COLEC12: variants seen among roughly 807,000 people sequenced by gnomAD.
COLEC12 encodes collectin subfamily member 12.
A neutral mutation model predicts 71.1 loss-of-function variants in COLEC12; 33 were observed. That is an observed-to-expected ratio of 0.46 (90% CI 0.35 to 0.62). The LOEUF is 0.62. Ranked by LOEUF, COLEC12 falls within the 20% of genes least tolerant of loss-of-function variation. COLEC12 has a pLI of 0.00. For synonymous variants in COLEC12, 350 were observed against 353.0 expected (o/e 0.99, Z 0.10); for missense variants, 765 against 916.1 (o/e 0.84, Z 2.13).
At chr18:473,423 C>A (rs113008860) in intron 2 of COLEC12, among the ~76,000 whole-genome samples, 5 of 152,068 alleles carry the variant, frequency 3.3e-5, no homozygotes, top group African/African-American at 1.2e-4. Context: ...AGTTCAGTGG[C>A]GTGATCTCGG....
intron 2 of COLEC12, among the ~76,000 whole-genome samples, chr18:386,243 T>C (rs1429515950): frequency 1.3e-5 from 2 of 152,210 alleles, no homozygotes; most frequent in African/African-American, 2.4e-5. Context: ...CTAAATCCAA[T>C]GTATTGAACA....
chr18:435,355 G>A (rs929046124), intron 2 of COLEC12, among the ~76,000 whole-genome samples: 10 of 152,202 alleles, frequency 6.6e-5, no homozygotes, highest in African/African-American at 2.4e-4. Context: ...GAAGAGGCAG[G>A]CACCTTCTTC....
Position 362,985 on chromosome 18 carries a change from C to A in COLEC12, c.59-5463G>T, listed in dbSNP as rs1435122023. On this transcript the variant is annotated intron_variant, in intron 2 of 9. Transcript: ENST00000400256. This position sits in a 1 kb window ranked among gnomAD's most constrained non-coding sequence, Gnocchi z 4.6. ...GTCCCCAGTGCCCAAACTCAAAGTC[C>A]CCTGGGCTGCCCTGGTTCCAACAAC... Among the ~76,000 whole-genome samples the A allele has an allele frequency of 6.6e-6, 1 of 151,976 alleles. No homozygotes were observed. The highest frequency in any genetic ancestry group is 1.5e-5 in the Non-Finnish European group (1 of 68,012).
chr18:470,052 C>T (rs1361266523), intron 2 of COLEC12, among the ~76,000 whole-genome samples: 1 of 151,984 alleles, frequency 6.6e-6, no homozygotes, highest in African/African-American at 2.4e-5. Context: ...ATTCATATTT[C>T]CCCTCAATTA....
chr18:437,540 C>T (rs528645193), intron 2 of COLEC12, among the ~76,000 whole-genome samples: 9 of 152,066 alleles, frequency 5.9e-5, no homozygotes, highest in South Asian at 2.1e-4. Context: ...CACAGAATGA[C>T]GAACTTGCAG....
At chr18:478,344 G>A (rs547066669) in intron 2 of COLEC12, among the ~76,000 whole-genome samples, 9 of 152,202 alleles carry the variant, frequency 5.9e-5, no homozygotes, top group Non-Finnish European at 1.3e-4. Context: ...TGGGTGCAGT[G>A]GCTCACGCCT....
chr18:461,576 T>C (rs1916983511), intron 2 of COLEC12, among the ~76,000 whole-genome samples: 1 of 152,160 alleles, frequency 6.6e-6, no homozygotes, highest in Non-Finnish European at 1.5e-5. Context: ...TTAATTGAGA[T>C]GGGATTTCAC....
chr18:480,265 C>T lies in COLEC12; in HGVS notation c.58+442G>A, dbSNP rs1325732968. Among the ~76,000 whole-genome samples, 1 of 152,330 alleles carries T rather than the reference C, an allele frequency of 6.6e-6. No homozygotes were observed. Among genetic ancestry groups the T allele is most frequent in the East Asian group, 1.9e-4 (1 of 5,182 alleles). On this transcript the variant is annotated intron_variant, in intron 2 of 9. Coordinates refer to ENST00000400256, the MANE Select transcript of COLEC12 (RefSeq NM_130386.3). The surrounding 1 kb of genome is among the most constrained non-coding windows in gnomAD (Gnocchi z 4.1). ...GCCATTCCCCAGCCTGCCACAGAGC[C>T]CCTGTGTCCAGGCAGATTCTTGGAA...
At chr18:402,472 C>G (rs191799570) in intron 2 of COLEC12, among the ~76,000 whole-genome samples, 1 of 152,016 alleles carries the variant, frequency 6.6e-6, no homozygotes, top group East Asian at 1.9e-4. Context: ...CAGAGTAAAA[C>G]GGCAACACAA....
At chr18:409,167 T>C (rs1915844232) in intron 2 of COLEC12, among the ~76,000 whole-genome samples, 1 of 152,192 alleles carries the variant, frequency 6.6e-6, no homozygotes, top group South Asian at 2.1e-4. Flanking sequence ...CTTATTCCTC[T>C]TAAACAGAAC....
At chr18:465,261 C>G (rs1361146157) in intron 2 of COLEC12, among the ~76,000 whole-genome samples, 1 of 152,148 alleles carries the variant, frequency 6.6e-6, no homozygotes, top group Non-Finnish European at 1.5e-5. Context: ...CACCACCACA[C>G]CTGGATAATT....
At chr18:410,358 TAAG>T (rs1915868416) in intron 2 of COLEC12, among the ~76,000 whole-genome samples, 1 of 151,828 alleles carries the variant, frequency 6.6e-6, no homozygotes, top group Admixed American at 6.6e-5. Context: ...GAAACAAACA[TAAG>T]AAGACTGTGA....
intron 2 of COLEC12, among the ~76,000 whole-genome samples, chr18:401,172 T>C (rs1016182951): frequency 4.6e-5 from 7 of 152,240 alleles, no homozygotes; most frequent in African/African-American, 1.7e-4. Context: ...AACCCAGCTA[T>C]TCTCACCAAT....
intron 2 of COLEC12, among the ~76,000 whole-genome samples, chr18:392,961 C>T (rs2143593884): frequency 6.6e-6 from 1 of 152,324 alleles, no homozygotes; most frequent in South Asian, 2.1e-4. Context: ...AGTTCATTGC[C>T]TGCTACCTAA....
At chr18:498,353 TA>T (rs1174232214) in intron 1 of COLEC12, among the ~76,000 whole-genome samples, 9 of 142,984 alleles carry the variant, frequency 6.3e-5, no homozygotes, top group South Asian at 2.2e-4. Flanking sequence ...TCTCATGGAA[TA>T]TTTTTTTTCT....
chr18:410,210 T>A (rs1179292887), intron 2 of COLEC12, among the ~76,000 whole-genome samples: 2 of 152,200 alleles, frequency 1.3e-5, no homozygotes, highest in African/African-American at 4.8e-5. Flanking sequence ...TGGTGCAGCA[T>A]GTTCATAAAA....
In COLEC12 at chr18:357,458, T is replaced by C; in HGVS notation, c.123A>G (p.Ile41Met). The change falls in exon 3 of 10, where the codon ATA becomes ATG. Residue 41 changes from isoleucine (I) to methionine (M), a missense_variant. Transcript: ENST00000400256. ...KNNWALKFSI[I>M]LLYILCALLT... Reference sequence around the variant, plus strand: ...GCAAGGCACACAAAATGTATAATAATATGATAGAAAACTTCAGTGCCCAGT... The same window carrying C: ...GCAAGGCACACAAAATGTATAATAACATGATAGAAAACTTCAGTGCCCAGT... 1 of 1,599,636 alleles carries C rather than the reference T, an allele frequency of 6.3e-7. No individual in the cohort carries two copies. Among genetic ancestry groups the C allele is most frequent in the Admixed American group, 1.7e-5 (1 of 58,108 alleles).
At chr18:495,966 T>C (rs1009235876) in intron 1 of COLEC12, among the ~76,000 whole-genome samples, 1 of 152,200 alleles carries the variant, frequency 6.6e-6, no homozygotes, top group African/African-American at 2.4e-5. Flanking sequence ...CAATAAATGT[T>C]AGCTATTATT....
intron 2 of COLEC12, among the ~76,000 whole-genome samples, chr18:360,463 G>A (rs994343043): frequency 3.3e-5 from 5 of 152,272 alleles, no homozygotes; most frequent in South Asian, 4.1e-4. Context: ...AGTGCTGGGA[G>A]TATAGGTGTG....
Sources: gnomAD v4.1 joint callset for allele counts (sites outside exome capture counted in the v4.1 genomes callset) on GRCh38, gnomAD v4.1.1 for gene constraint, Gnocchi (gnomAD v3.1) non-coding constraint, MANE v1.5 for transcripts, NCBI Gene and HGNC (gene_info 2026-07-23, HGNC 2026-07-21) for gene names.